Variants in TNS3 observed in about 807,000 individuals in gnomAD.
The protein encoded by TNS3 is tensin 3, also known as tensin-3.
TNS3 carries 45 observed loss-of-function variants against 140.9 expected under a neutral mutation model. The observed-to-expected ratio is 0.32, with a 90% CI of 0.25 to 0.41. TNS3 has a LOEUF of 0.41. Ranked by LOEUF, TNS3 falls within the 10% of genes least tolerant of loss-of-function variation. The pLI is 1.00. For synonymous variants in TNS3, 815 were observed against 788.4 expected (o/e 1.03, Z -0.56); for missense variants, 1,716 against 1,906.7 (o/e 0.90, Z 1.86).
intron 7 of TNS3, among the ~76,000 whole-genome samples, 198 bp from the exon 8 acceptor site, chr7:47,435,602 G>A (rs1795140884): frequency 6.6e-6 from 1 of 152,200 alleles, no homozygotes; most frequent in African/African-American, 2.4e-5. Flanking sequence ...TACTGCCCAT[G>A]TGATGCCTCT....
chr7:47,464,199 C>T (rs2151705192), intron 4 of TNS3, among the ~76,000 whole-genome samples: 1 of 152,312 alleles, frequency 6.6e-6, no homozygotes, highest in African/African-American at 2.4e-5. Flanking sequence ...ATGTTCCCTA[C>T]CTGAGGACCT....
chr7:47,309,939 C>T (rs1157696636), intron 20 of TNS3, among the ~76,000 whole-genome samples: 1 of 152,214 alleles, frequency 6.6e-6, no homozygotes, highest in Non-Finnish European at 1.5e-5. Context: ...CCAAGGCAGC[C>T]AGGGCTTACT....
At chr7:47,430,131 CTTT>C (rs34003202) in intron 8 of TNS3, among the ~76,000 whole-genome samples, 38 of 141,756 alleles carry the variant, frequency 2.7e-4, no homozygotes, top group Non-Finnish European at 2.9e-4. Flanking sequence ...CTTTTCTTTT[CTTT>C]TTTTTTTTTT....
At chr7:47,321,357 C>T (rs556410198) in intron 20 of TNS3, among the ~76,000 whole-genome samples, 3 of 152,306 alleles carry the variant, frequency 2.0e-5, no homozygotes, top group Admixed American at 1.3e-4. Flanking sequence ...AGCGTCTCCA[C>T]GGTCATGCAC....
chr7:47,363,357 T>C (rs1357069124), intron 17 of TNS3, among the ~76,000 whole-genome samples: 1 of 151,482 alleles, frequency 6.6e-6, no homozygotes, highest in Non-Finnish European at 1.5e-5. Flanking sequence ...GCAGCACCAC[T>C]ATTATTATTA....
At chr7:47,352,340 TCACA>T (rs755713544) in intron 17 of TNS3, among the ~76,000 whole-genome samples, 8 of 152,072 alleles carry the variant, frequency 5.3e-5, no homozygotes, top group Non-Finnish European at 7.4e-5. Context: ...ACAGACAGCC[TCACA>T]CAGTCTCACA....
intron 16 of TNS3, among the ~76,000 whole-genome samples, chr7:47,387,811 G>T (rs1792160191): frequency 6.6e-6 from 1 of 152,252 alleles, no homozygotes; most frequent in Non-Finnish European, 1.5e-5. Flanking sequence ...GGAAGATGGT[G>T]AGGATGACCC....
At chr7:47,411,605 T>C (rs1168464174) in intron 13 of TNS3, 122 bp downstream of exon 13, 1 of 1,032,228 alleles carries the variant, frequency 9.7e-7, no homozygotes, top group Non-Finnish European at 1.4e-6. Flanking sequence ...CTTTTCCTTC[T>C]TCCTACAGGG....
Position 47,342,310 on chromosome 7 carries a change from T to A in TNS3, c.2650+2445A>T, listed in dbSNP as rs188470388. ...AATTCACCCTCCGGGAAGTGAAGCC[T>A]CTCCCTAATGGTATTTTAAAGCAAA... On this transcript the variant is annotated intron_variant, in intron 20 of 30. Coordinates refer to ENST00000311160, the MANE Select transcript of TNS3 (RefSeq NM_022748.12). Among the ~76,000 whole-genome samples the A allele has an allele frequency of 1.3e-4, 20 of 152,328 alleles. No homozygotes were observed. In the East Asian group the frequency reaches 2.7e-3, roughly 21 times the overall value.
At chr7:47,369,740 A>G (rs2151154833) in intron 16 of TNS3, 119 bp from the exon 17 acceptor site, 1 of 1,177,444 alleles carries the variant, frequency 8.5e-7, no homozygotes. Context: ...ATGACTTACA[A>G]TAAACAAGGA....
chr7:47,455,928 G>C (rs1796227697), intron 4 of TNS3, among the ~76,000 whole-genome samples: 1 of 152,220 alleles, frequency 6.6e-6, no homozygotes. Flanking sequence ...GCGTGTGGTG[G>C]GTGGGGCAGC....
chr7:47,341,334 T>A (rs1039235911), intron 20 of TNS3, among the ~76,000 whole-genome samples: 3 of 152,212 alleles, frequency 2.0e-5, no homozygotes, highest in African/African-American at 7.2e-5. Flanking sequence ...CTTCTTTACA[T>A]GTTTGGTAGA....
chr7:47,288,585 C>T (rs893063970), intron 27 of TNS3, among the ~76,000 whole-genome samples: 3 of 152,168 alleles, frequency 2.0e-5, no homozygotes, highest in African/African-American at 7.2e-5. Context: ...CTTCTGGGCA[C>T]TTCACTGGGA....
At chr7:47,298,095 G>C (rs896523104) in intron 23 of TNS3, among the ~76,000 whole-genome samples, 2 of 152,146 alleles carry the variant, frequency 1.3e-5, no homozygotes, top group Non-Finnish European at 2.9e-5. Flanking sequence ...CAGGAAAGAA[G>C]TTTCTAATTA....
chr7:47,368,337 G>T, intron 17 of TNS3, 28 bp downstream of exon 17: 1 of 1,453,084 alleles, frequency 6.9e-7, no homozygotes, highest in South Asian at 1.6e-5. Flanking sequence ...ACCTCCCGTG[G>T]AGCACCTCCC....
chr7:47,508,577 G>A (rs1389239770), intron 2 of TNS3, among the ~76,000 whole-genome samples: 3 of 152,184 alleles, frequency 2.0e-5, no homozygotes, highest in South Asian at 2.1e-4. Context: ...GCCCACACAC[G>A]TCTAGCAGCA....
intron 17 of TNS3, among the ~76,000 whole-genome samples, chr7:47,357,761 G>A (rs1258664417): frequency 1.3e-5 from 2 of 151,808 alleles, no homozygotes; most frequent in African/African-American, 4.8e-5. Flanking sequence ...GAAGGCGGAA[G>A]GGGGGAATCC....
chr7:47,454,036 C>T (rs1035292194), intron 4 of TNS3, among the ~76,000 whole-genome samples: 1 of 152,184 alleles, frequency 6.6e-6, no homozygotes, highest in Non-Finnish European at 1.5e-5. Flanking sequence ...TATTTCATAA[C>T]GAAAACATTT....
At chr7:47,330,909 G>A (rs1372959599) in intron 20 of TNS3, among the ~76,000 whole-genome samples, 3 of 152,106 alleles carry the variant, frequency 2.0e-5, no homozygotes, top group Non-Finnish European at 2.9e-5. Flanking sequence ...CCAGCCTCAC[G>A]GGTCCTACAG....
Sources: allele counts gnomAD v4.1 joint callset (sites outside exome capture counted in the v4.1 genomes callset), GRCh38; gene constraint gnomAD v4.1.1; transcripts MANE v1.5; gene names NCBI Gene and HGNC (gene_info 2026-07-23, HGNC 2026-07-21).